Variants in CORO7 observed in about 807,000 individuals in gnomAD.
The protein encoded by CORO7 is coronin 7, also known as coronin-7.
A neutral mutation model predicts 126.6 loss-of-function variants in CORO7; 107 were observed. The ratio of observed to expected loss-of-function variants is 0.85; its 90% CI spans 0.72 to 0.99. The LOEUF (loss-of-function observed/expected upper bound fraction) is 0.99, where lower values mean the gene tolerates loss of function less well. CORO7 is among the 50% of genes least tolerant of loss of function. The pLI is 0.00. For synonymous variants in CORO7, 603 were observed against 536.8 expected, an observed-to-expected ratio of 1.12 and a Z score of -1.70; for missense variants, 1,314 against 1,255.8, an observed-to-expected ratio of 1.05 and a Z score of -0.70.
intron 26 of CORO7, chr16:4,355,615 C>A (rs1403652950): frequency 4.2e-5 from 20 of 476,196 alleles, no homozygotes; most frequent in South Asian, 4.1e-4. Context: ...ATTACAGGCG[C>A]CCACCACCAT....
At position 4,360,544 on chromosome 16, in the gene CORO7, A is replaced by C. The variant is rs757754639; in HGVS notation, c.1922T>G (p.Phe641Cys). The change falls in exon 20 of 28, where the codon TTC (phenylalanine) becomes TGC (cysteine). Residue 641 changes from phenylalanine to cysteine, a missense_variant. Physicochemically the swap from Phe to Cys is radical, Grantham distance 205 (BLOSUM62 -2). Transcript: ENST00000251166. ...LKLQGHQDQI[F>C]SLAWSPDGQQ... is the part of the protein sequence containing the mutation. ...CCCATCAGGACTCCAGGCCAGGCTG[A>C]AGATCTGGGGGCAGGAAGGGATATG... is the stretch of plus-strand genomic sequence containing the variant. 1 of 1,602,142 alleles carries C rather than the reference A, an allele frequency of 6.2e-7. No individual in the cohort carries two copies. Among genetic ancestry groups the C allele is most frequent in the South Asian group, 1.1e-5 (1 of 89,422 alleles).
At chr16:4,413,061 G>A in intron 2 of CORO7, 1 of 429,016 alleles carries the variant, frequency 2.3e-6, no homozygotes, top group Non-Finnish European at 4.1e-6. Flanking sequence ...TCCCCTCCCA[G>A]CCCTCCTGGC....
intron 6 of CORO7, among the ~76,000 whole-genome samples, chr16:4,395,681 T>C (rs1204416690): frequency 1.3e-5 from 2 of 152,218 alleles, no homozygotes; most frequent in East Asian, 1.9e-4. Context: ...ACTATCACCA[T>C]GATCCCTCAC....
chr16:4,392,894 C>A (rs2055445753), intron 7 of CORO7, among the ~76,000 whole-genome samples: 1 of 152,182 alleles, frequency 6.6e-6, no homozygotes, highest in South Asian at 2.1e-4. Context: ...GTGGGAGCCA[C>A]CCACGCTCTT....
intron 9 of CORO7, among the ~76,000 whole-genome samples, chr16:4,384,435 A>C (rs1434071607): frequency 6.6e-6 from 1 of 151,988 alleles, no homozygotes; most frequent in Non-Finnish European, 1.5e-5. Context: ...GATGGAGGGG[A>C]GGGGACCCAC....
chr16:4,390,824 G>C (rs1185744993), intron 7 of CORO7, among the ~76,000 whole-genome samples: 1 of 152,234 alleles, frequency 6.6e-6, no homozygotes, highest in South Asian at 2.1e-4. Context: ...GAGTGGTGAT[G>C]AGGCTTGCAC....
rs734433 is a variant in CORO7, at chr16:4,380,727, C to T, written c.785+7259G>A. On this transcript the variant is annotated intron_variant, in intron 9 of 27. Coordinates refer to ENST00000251166, the MANE Select transcript of CORO7 (RefSeq NM_024535.5). ...GGCTGGGACAGAACCTGGGTCGGGG[C>T]ACTGGCGACCTGACTCATAACCATT... 2,655 of 908,280 alleles carry T rather than the reference C, an allele frequency of 2.9e-3. 99 individuals carry two copies. In the Admixed American group the frequency reaches 0.076, roughly 26 times the overall value. The allele number at this position is 908,280 out of a possible 1,614,324, so 56.3% of individuals were successfully genotyped here. A position where few individuals can be genotyped will look rare whatever the true frequency, so the allele number is the denominator to read the frequency against.
intron 9 of CORO7, among the ~76,000 whole-genome samples, chr16:4,369,811 G>A (rs1030033108): frequency 6.6e-6 from 1 of 152,156 alleles, no homozygotes; most frequent in Non-Finnish European, 1.5e-5. Context: ...CTATCACCCA[G>A]GCTGGAGAGT....
chr16:4,361,453 C>G lies in CORO7; in HGVS notation c.1595G>C (p.Arg532Pro), dbSNP rs755060334. The G allele has an allele frequency of 2.5e-6, 4 of 1,611,936 alleles. No homozygotes were observed. In the South Asian group the frequency reaches 4.4e-5, roughly 18 times the overall value. Residue 532 changes from arginine to proline, a missense_variant, in exon 17 of 28, where the codon CGC becomes CCC. Physicochemically the swap from Arg to Pro is moderately radical, Grantham distance 103. Transcript: ENST00000251166. The stretch of plus-strand genomic sequence containing the variant: ...CGTGGGCAGTGCCGTGTCGGGCAGG[C>G]GGCCAGGCTTCCGTAGCTGTGGGAG... ...VAVLELRKPG[R>P]LPDTALPTLQ...
In CORO7 at chr16:4,372,618, G is replaced by A. The variant is rs559834126; in HGVS notation, c.786-7073C>T. 5.9e-5 allele frequency among the ~76,000 whole-genome samples: 9 copies of A among 152,352 alleles called. No homozygotes were observed. The East Asian group carries it at 1.7e-3, about 29-fold the overall frequency. On this transcript the variant is annotated intron_variant, in intron 9 of 27. Transcript: ENST00000251166. ...CTGCCTCTGCCAGGGAAGGGGCTTTGCTTGGGCTGCAAACCCAGTGGCCTG... is the reference window on the plus strand; with the variant it reads ...CTGCCTCTGCCAGGGAAGGGGCTTTACTTGGGCTGCAAACCCAGTGGCCTG...
At chr16:4,406,500 T>C (rs1051510780) in intron 5 of CORO7, among the ~76,000 whole-genome samples, 4 of 151,832 alleles carry the variant, frequency 2.6e-5, no homozygotes, top group African/African-American at 7.3e-5. Flanking sequence ...TGTCTCACTA[T>C]GTTGCTCAGA....
rs756973313 is a variant in CORO7, at chr16:4,405,558, G to A, written c.497C>T (p.Ala166Val). The A allele has an allele frequency of 1.2e-6, 2 of 1,612,614 alleles. No homozygotes were observed. The highest frequency in any genetic ancestry group is 1.7e-6 in the Non-Finnish European group (2 of 1,179,806). ...GGCGCTCTGCACCAGGTCCCCATGG[G>A]CTGCCAGCTCTGCAGAGAAGCAGTC... is the stretch of plus-strand genomic sequence containing the variant. ...AKQQPLTELA[A>V]HGDLVQSAVW... Residue 166 changes from alanine (A) to valine (V), a missense_variant, in exon 6 of 28, where the codon GCC becomes GTC. Coordinates refer to ENST00000251166, the MANE Select transcript of CORO7 (RefSeq NM_024535.5).
chr16:4,398,553 C>T (rs1251199281), intron 6 of CORO7, among the ~76,000 whole-genome samples: 1 of 151,920 alleles, frequency 6.6e-6, no homozygotes. Flanking sequence ...GTAATACCAG[C>T]TACTCGGGAG....
At chr16:4,408,102 T>C (rs2056073113) in intron 4 of CORO7, 79 bp downstream of exon 4, 20 of 1,600,756 alleles carry the variant, frequency 1.2e-5, no homozygotes, top group Non-Finnish European at 1.6e-5. Context: ...CAGAGCCCTG[T>C]GGGGATGGCG....
intron 9 of CORO7, chr16:4,381,001 C>G: frequency 6.2e-7 from 1 of 1,608,446 alleles, no homozygotes; most frequent in Non-Finnish European, 8.5e-7. Flanking sequence ...CACTGCCCGC[C>G]AGGGGACCAC....
chr16:4,407,655 G>A lies in CORO7; in HGVS notation c.333C>T (p.Gly111=). The change falls in exon 5 of 28, where the codon GGC becomes GGT. Residue 111 remains glycine (G), a synonymous_variant. Coordinates refer to ENST00000251166, the MANE Select transcript of CORO7 (RefSeq NM_024535.5). ...CCCCGGGTGCTGAGGGCAGGGCCTG[G>A]CCAGGCCCTGGCAGTCGCCAGAGTT... is the stretch of plus-strand genomic sequence containing the variant. ...TVKLWRLPGP[G]QALPSAPGVV... is the part of the protein sequence containing the mutation. 6.2e-7 allele frequency: 1 copy of A among 1,603,428 alleles called. No individual in the cohort carries two copies. Among genetic ancestry groups the A allele is most frequent in the South Asian group, 1.1e-5 (1 of 90,144 alleles).
intron 9 of CORO7, among the ~76,000 whole-genome samples, chr16:4,377,440 G>A (rs1043035778): frequency 5.3e-5 from 8 of 152,128 alleles, no homozygotes; most frequent in Non-Finnish European, 1.2e-4. Context: ...CCAGACCCCA[G>A]GCGGGCGGGA....
intron 9 of CORO7, among the ~76,000 whole-genome samples, chr16:4,376,566 C>T (rs1243784468): frequency 1.3e-5 from 2 of 152,160 alleles, no homozygotes; most frequent in Non-Finnish European, 2.9e-5. Context: ...GAGATGTTCT[C>T]GCCAGGGGCT....
At chr16:4,412,497 T>A in intron 2 of CORO7, 67 bp from the exon 3 acceptor site, 1 of 1,562,976 alleles carries the variant, frequency 6.4e-7, no homozygotes, top group Non-Finnish European at 8.8e-7. Flanking sequence ...TGCCCAGGGA[T>A]CCCAGAGATG....
Sources: gnomAD v4.1 joint callset for allele counts (sites outside exome capture counted in the v4.1 genomes callset) on GRCh38, gnomAD v4.1.1 for gene constraint, MANE v1.5 for transcripts, NCBI Gene and HGNC (gene_info 2026-07-23, HGNC 2026-07-21) for gene names.